The following SEMA3A variants were observed in gnomAD, a reference collection of about 807,000 sequenced individuals.
The protein encoded by SEMA3A is semaphorin 3A.
A neutral mutation model predicts 97.9 loss-of-function variants in SEMA3A; 29 were observed. That is an observed-to-expected ratio of 0.30 (90% CI 0.22 to 0.40). The LOEUF is 0.40. Among genes scored for constraint, SEMA3A ranks in the 10% least tolerant of loss-of-function variants. The pLI, the probability that SEMA3A is intolerant of heterozygous loss-of-function variation, is 1.00. For missense variants in SEMA3A, 763 were observed against 951.3 expected (o/e 0.80, Z 2.60); for synonymous variants, 321 against 323.7 (o/e 0.99, Z 0.09).
intron 2 of SEMA3A, among the ~76,000 whole-genome samples, chr7:84,349,636 TA>T (rs1417448929): frequency 3.9e-5 from 6 of 152,104 alleles, no homozygotes; most frequent in African/African-American, 1.4e-4. Flanking sequence ...AACATCAATA[TA>T]AAAGAATAAT....
intron 1 of SEMA3A, among the ~76,000 whole-genome samples, chr7:84,405,051 C>A (rs930359425): frequency 1.3e-5 from 2 of 152,066 alleles, no homozygotes; most frequent in Non-Finnish European, 2.9e-5. Context: ...ACAATACTAA[C>A]CTTAAATGTA....
chr7:84,339,045 A>G (rs980294363), intron 2 of SEMA3A, among the ~76,000 whole-genome samples: 1 of 152,180 alleles, frequency 6.6e-6, no homozygotes, highest in African/African-American at 2.4e-5. Flanking sequence ...TGGTATATAT[A>G]TATCCCATAT....
chr7:84,255,142 T>C (rs767380116), intron 3 of SEMA3A, among the ~76,000 whole-genome samples: 1 of 152,132 alleles, frequency 6.6e-6, no homozygotes, highest in Non-Finnish European at 1.5e-5. Flanking sequence ...TCCTTGTCCA[T>C]TGGCAGGCCT....
chr7:84,417,546 A>G (rs1187717332), intron 1 of SEMA3A, among the ~76,000 whole-genome samples: 1 of 152,122 alleles, frequency 6.6e-6, no homozygotes, highest in Non-Finnish European at 1.5e-5. Context: ...ATTTCTGTTT[A>G]AAGTTTTAAA....
At chr7:84,082,181 A>G (rs911207933) in intron 4 of SEMA3A, among the ~76,000 whole-genome samples, 1 of 152,182 alleles carries the variant, frequency 6.6e-6, no homozygotes, top group Non-Finnish European at 1.5e-5. Flanking sequence ...TCTAAGTTGT[A>G]TCATCCTAGT....
chr7:84,368,032 G>T (rs1425306032), intron 2 of SEMA3A, among the ~76,000 whole-genome samples: 2 of 151,172 alleles, frequency 1.3e-5, no homozygotes. Flanking sequence ...TTTCAAGGAT[G>T]TTGTAACTTG....
chr7:84,303,055 A>T lies in SEMA3A; in HGVS notation c.-83+4152T>A, dbSNP rs1195027029. Among the ~76,000 whole-genome samples, 118 of 152,324 alleles carry T rather than the reference A, an allele frequency of 7.7e-4. 1 individual carries two copies. Reference sequence around the variant, plus strand: ...CTACTCCATCTGAATTTGAAGTTGGACTTGTGCAAACATGCAATGAAGTTT... The same window carrying T: ...CTACTCCATCTGAATTTGAAGTTGGTCTTGTGCAAACATGCAATGAAGTTT... On this transcript the variant is annotated intron_variant, in intron 3 of 3. Coordinates refer to the SEMA3A transcript ENST00000424555.
intron 1 of SEMA3A, among the ~76,000 whole-genome samples, chr7:84,444,571 T>A (rs57300657): frequency 0.027 from 4,051 of 150,440 alleles, 171 homozygotes; most frequent in African/African-American, 0.092. Context: ...TTTCTTTTTT[T>A]TTTTTTTTGA....
intron 3 of SEMA3A, among the ~76,000 whole-genome samples, chr7:84,290,054 C>T (rs760459090): frequency 2.6e-5 from 4 of 151,534 alleles, no homozygotes; most frequent in Non-Finnish European, 4.4e-5. Context: ...ATAGGCAAAT[C>T]GATACAGGCA....
In SEMA3A at chr7:83,983,859, G is replaced by A. The variant is rs148719336; in HGVS notation, c.1494+1577C>T. Among the ~76,000 whole-genome samples the A allele has an allele frequency of 3.3e-3, 502 of 152,184 alleles. 6 individuals are homozygous for A. Among genetic ancestry groups the A allele is most frequent in the African/African-American group, 0.011 (466 of 41,542 alleles). On this transcript the variant is annotated intron_variant, in intron 13 of 16. Transcript: ENST00000265362. ...CAAAGTGTGGGGTATAGCAGGAGAT[G>A]GGTTCATTTATCCAGAAAATTACTT...
intron 9 of SEMA3A, among the ~76,000 whole-genome samples, chr7:84,010,370 C>T (rs1301631007): frequency 6.6e-6 from 1 of 152,100 alleles, no homozygotes. Flanking sequence ...TCCAAACATA[C>T]ACATTTCTAG....
At chr7:84,165,078 C>T (rs911783493) in intron 1 of SEMA3A, among the ~76,000 whole-genome samples, 2 of 152,030 alleles carry the variant, frequency 1.3e-5, no homozygotes, top group Admixed American at 6.5e-5. Context: ...CATAGTGGCA[C>T]GTGCCTGTAG....
At chr7:84,003,130 A>AAC (rs1403966688) in intron 11 of SEMA3A, among the ~76,000 whole-genome samples, 1 of 152,142 alleles carries the variant, frequency 6.6e-6, no homozygotes, top group African/African-American at 2.4e-5. Flanking sequence ...ATTCATCGAT[A>AAC]ACTGTTTTTG....
intron 2 of SEMA3A, among the ~76,000 whole-genome samples, chr7:84,355,379 C>T (rs1185876344): frequency 2.0e-5 from 3 of 151,844 alleles, no homozygotes; most frequent in Non-Finnish European, 4.4e-5. Context: ...ACATCTATTA[C>T]ATATTATACA....
In SEMA3A at chr7:84,403,337, C is replaced by T. The variant is rs572106165; in HGVS notation, c.-245-31437G>A. Among the ~76,000 whole-genome samples, 31 of 152,310 alleles carry T rather than the reference C, an allele frequency of 2.0e-4. No homozygotes were observed. The East Asian group carries it at 4.1e-3, about 20-fold the overall frequency. The stretch of plus-strand genomic sequence containing the variant: ...CTGAGATCAAACTGCAAGGTGGCAG[C>T]GAGGCTGGGGGAGGGGCACCTGCCA... On this transcript the variant is annotated intron_variant, in intron 1 of 3. Coordinates refer to the SEMA3A transcript ENST00000424555.
intron 1 of SEMA3A, among the ~76,000 whole-genome samples, chr7:84,137,003 A>T (rs530911982): frequency 6.6e-6 from 1 of 151,628 alleles, no homozygotes; most frequent in Non-Finnish European, 1.5e-5. Flanking sequence ...GAAGGAAGGA[A>T]GGAAAAGAGT....
chr7:84,223,505 C>T (rs1798925995), intron 3 of SEMA3A, among the ~76,000 whole-genome samples: 1 of 151,696 alleles, frequency 6.6e-6, no homozygotes, highest in Non-Finnish European at 1.5e-5. Flanking sequence ...AAATAACAAA[C>T]TTACTTGATG....
intron 1 of SEMA3A, among the ~76,000 whole-genome samples, chr7:84,396,061 C>CA (rs1803723255): frequency 2.0e-5 from 3 of 151,920 alleles, no homozygotes; most frequent in African/African-American, 7.2e-5. Flanking sequence ...TTAAAAATAT[C>CA]AAATACTGGT....
intron 3 of SEMA3A, among the ~76,000 whole-genome samples, chr7:84,124,320 T>A (rs1283220924): frequency 1.1e-4 from 16 of 152,160 alleles, no homozygotes; most frequent in Admixed American, 9.8e-4. Context: ...CAGTAGGAAA[T>A]GGTAAGTGCA....
Sources: allele counts gnomAD v4.1 joint callset (sites outside exome capture counted in the v4.1 genomes callset), GRCh38; gene constraint gnomAD v4.1.1; transcripts MANE v1.5; gene names NCBI Gene and HGNC (gene_info 2026-07-23, HGNC 2026-07-21).